The following GLIS3 variants were observed in gnomAD, a reference collection of about 807,000 sequenced individuals.
GLIS3 encodes the protein GLIS family zinc finger 3.
GLIS3 carries 53 observed loss-of-function variants against 78.6 expected under a neutral mutation model. The observed-to-expected ratio is 0.67, with a 90% CI of 0.54 to 0.85. GLIS3 has a LOEUF of 0.85. Ranked by LOEUF, GLIS3 falls within the 40% of genes least tolerant of loss-of-function variation. The pLI, the probability that GLIS3 is intolerant of heterozygous loss-of-function variation, is 0.00. For synonymous variants in GLIS3, 684 were observed against 509.9 expected, an observed-to-expected ratio of 1.34 and a Z score of -4.60; for missense variants, 1,703 against 1,231.1, an observed-to-expected ratio of 1.38 and a Z score of -5.74.
At chr9:4,404,500 TTAAAA>T in the GLIS3 span, among the ~76,000 whole-genome samples, 1 of 152,112 alleles carries the variant, frequency 6.6e-6, no homozygotes, top group African/African-American at 2.4e-5. Context: ...TTCAAAAAAA[TTAAAA>T]TAATATCAAG....
At chr9:3,946,642 T>C (rs768963098) in intron 4 of GLIS3, among the ~76,000 whole-genome samples, 2 of 152,232 alleles carry the variant, frequency 1.3e-5, no homozygotes, top group African/African-American at 2.4e-5. Flanking sequence ...TACTTCTTTA[T>C]TGATATTCTG....
the GLIS3 span, among the ~76,000 whole-genome samples, chr9:4,374,859 C>T: frequency 6.6e-6 from 1 of 152,272 alleles, no homozygotes; most frequent in Non-Finnish European, 1.5e-5. Context: ...TATGTGCACA[C>T]AATTGAATAT....
Position 4,132,556 on chromosome 9 carries a change from G to A in GLIS3, c.389-6615C>T, listed in dbSNP as rs563019943. Among the ~76,000 whole-genome samples the A allele has an allele frequency of 5.3e-5, 8 of 151,902 alleles. No homozygotes were observed. In the East Asian group the frequency reaches 1.4e-3, roughly 26 times the overall value. On this transcript the variant is annotated intron_variant, in intron 2 of 10. Transcript: ENST00000381971. ...GCGGAGAGAAGCAACCAACAATAAC[G>A]TTATTGTTCGTTATCTGACACTTAT... is the stretch of plus-strand genomic sequence containing the variant.
intron 2 of GLIS3, among the ~76,000 whole-genome samples, chr9:4,204,745 C>G (rs1013467466): frequency 6.6e-6 from 1 of 151,994 alleles, no homozygotes; most frequent in African/African-American, 2.4e-5. Flanking sequence ...CAAACCGTGT[C>G]TCTAGTAAAA....
At chr9:3,936,217 C>T (rs1280348009) in intron 5 of GLIS3, among the ~76,000 whole-genome samples, 9 of 152,062 alleles carry the variant, frequency 5.9e-5, no homozygotes, top group East Asian at 1.9e-4. Flanking sequence ...CTTTGTTAAG[C>T]GCAGTGAAAT....
At chr9:4,218,466 G>C (rs527591098) in intron 2 of GLIS3, among the ~76,000 whole-genome samples, 2 of 152,324 alleles carry the variant, frequency 1.3e-5, no homozygotes, top group Non-Finnish European at 2.9e-5. Flanking sequence ...TTTTAGTAAA[G>C]ACGGGGTTTC....
chr9:3,839,398 G>A (rs937251950), intron 9 of GLIS3, among the ~76,000 whole-genome samples: 3 of 152,074 alleles, frequency 2.0e-5, no homozygotes, highest in African/African-American at 7.2e-5. Context: ...CGGGTTCCTT[G>A]CTTTGGCATT....
intron 4 of GLIS3, among the ~76,000 whole-genome samples, chr9:3,955,903 C>A (rs1418531370): frequency 6.6e-6 from 1 of 151,862 alleles, no homozygotes; most frequent in Non-Finnish European, 1.5e-5. Flanking sequence ...TGAGAAGTCT[C>A]CCTTTAATGA....
intron 2 of GLIS3, among the ~76,000 whole-genome samples, chr9:4,165,945 T>C (rs1206067743): frequency 6.6e-6 from 1 of 152,144 alleles, no homozygotes; most frequent in African/African-American, 2.4e-5. Context: ...CTACTGTGCT[T>C]GCAGACAGGG....
intron 9 of GLIS3, among the ~76,000 whole-genome samples, chr9:3,831,162 G>A (rs1239198000): frequency 2.0e-5 from 3 of 148,258 alleles, no homozygotes; most frequent in Admixed American, 6.7e-5. Context: ...ATCCACATAC[G>A]GTTTGGAAGA....
At chr9:3,837,197 C>T (rs1389918472) in intron 9 of GLIS3, among the ~76,000 whole-genome samples, 1 of 152,186 alleles carries the variant, frequency 6.6e-6, no homozygotes, top group African/African-American at 2.4e-5. Flanking sequence ...ACATAAGGCC[C>T]TTCATACTAC....
the GLIS3 span, among the ~76,000 whole-genome samples, chr9:4,371,985 A>G: frequency 6.6e-6 from 1 of 152,118 alleles, no homozygotes; most frequent in Admixed American, 6.5e-5. Flanking sequence ...GGTTTTTGTC[A>G]GCCCCCTTCT....
At chr9:4,237,545 C>T (rs1048141230) in intron 2 of GLIS3, among the ~76,000 whole-genome samples, 1 of 152,198 alleles carries the variant, frequency 6.6e-6, no homozygotes, top group Non-Finnish European at 1.5e-5. Context: ...GCATCATTAT[C>T]ATTCAAAATG....
intron 1 of GLIS3, among the ~76,000 whole-genome samples, chr9:4,297,920 G>A (rs1364392158): frequency 6.6e-6 from 1 of 151,678 alleles, no homozygotes; most frequent in Non-Finnish European, 1.5e-5. Context: ...CGGGGTCGGA[G>A]ATTCCTCGGC....
At chr9:4,414,044 G>A in the GLIS3 span, among the ~76,000 whole-genome samples, 2 of 152,000 alleles carry the variant, frequency 1.3e-5, no homozygotes, top group South Asian at 2.1e-4. Flanking sequence ...CATATTTCTC[G>A]GGAAAACACT....
chr9:4,478,787 T>A, the GLIS3 span, among the ~76,000 whole-genome samples: 1 of 152,204 alleles, frequency 6.6e-6, no homozygotes, highest in Non-Finnish European at 1.5e-5. Flanking sequence ...AGAATTAGAA[T>A]GAATTTTTTA....
chr9:3,967,925 T>C (rs1279749347), intron 4 of GLIS3, among the ~76,000 whole-genome samples: 1 of 152,230 alleles, frequency 6.6e-6, no homozygotes, highest in East Asian at 1.9e-4. Context: ...TTGTGCATTG[T>C]TGTGAGCAAA....
At chr9:4,159,767 G>A (rs1233800891) in intron 2 of GLIS3, among the ~76,000 whole-genome samples, 1 of 151,974 alleles carries the variant, frequency 6.6e-6, no homozygotes, top group Non-Finnish European at 1.5e-5. Context: ...TAATAAATCT[G>A]TGCTTGGGGG....
rs1473412925 is a variant in GLIS3, at chr9:4,118,413, G to A, written c.1065C>T (p.Arg355=). The A allele has an allele frequency of 2.5e-6, 4 of 1,608,346 alleles. No individual in the cohort carries two copies. Among genetic ancestry groups the A allele is most frequent in the South Asian group, 1.1e-5 (1 of 91,006 alleles). Residue 355 remains arginine (R), a synonymous_variant, in exon 4 of 11, where the codon CGC becomes CGT. Transcript: ENST00000381971. This position sits in a 1 kb window ranked among gnomAD's most constrained non-coding sequence, Gnocchi z 4.7. ...PEVYGHFLGV[R]GSCIPQPRPV... ...GGCGCGGCTGGGGAATGCAGCTGCC[G>A]CGCACGCCCAGGAAATGCCCGTAGA...
Sources: allele counts gnomAD v4.1 joint callset (sites outside exome capture counted in the v4.1 genomes callset), GRCh38; gene constraint gnomAD v4.1.1; non-coding constraint Gnocchi (gnomAD v3.1); transcripts MANE v1.5; gene names NCBI Gene and HGNC (gene_info 2026-07-23, HGNC 2026-07-21).